CCSER1: variants seen among roughly 807,000 people sequenced by gnomAD.
CCSER1 encodes serine-rich coiled-coil domain-containing protein 1.
In CCSER1, 41 loss-of-function variants were observed where a neutral mutation model predicts 82.0. That is an observed-to-expected ratio of 0.50 (90% CI 0.39 to 0.65). The LOEUF is 0.65. CCSER1 is among the 30% of genes least tolerant of loss of function. The pLI is 0.00. For missense variants in CCSER1, 1,119 were observed against 1,064.2 expected, an observed-to-expected ratio of 1.05 and a Z score of -0.72; for synonymous variants, 414 against 383.9, an observed-to-expected ratio of 1.08 and a Z score of -0.92.
intron 5 of CCSER1, among the ~76,000 whole-genome samples, chr4:90,534,372 G>A (rs554635837): frequency 2.6e-5 from 4 of 151,682 alleles, no homozygotes; most frequent in South Asian, 2.1e-4. Flanking sequence ...CTCGTGATCC[G>A]CCCGCCTCGG....
chr4:91,128,612 A>AGC (rs1171639251), intron 10 of CCSER1, among the ~76,000 whole-genome samples: 2 of 152,206 alleles, frequency 1.3e-5, no homozygotes, highest in Admixed American at 1.3e-4. Context: ...CTAACGGCAA[A>AGC]ATCAGAGAAT....
rs1028412835 is a variant in CCSER1 at position 90,324,810 on chromosome 4, A to C, written c.1509+11763A>C. 1.3e-4 allele frequency among the ~76,000 whole-genome samples: 20 copies of C among 152,202 alleles called. No individual in the cohort carries two copies. The East Asian group carries it at 3.7e-3, about 28-fold the overall frequency. Reference sequence around the variant, plus strand: ...AGGGTTTTTATGGTTTTAGGTCTAAAGTTTAAGTCTTTAATCCATCTTGAC... The same window carrying C: ...AGGGTTTTTATGGTTTTAGGTCTAACGTTTAAGTCTTTAATCCATCTTGAC... On this transcript the variant is annotated intron_variant, in intron 3 of 10. Coordinates refer to ENST00000509176, the MANE Select transcript of CCSER1 (RefSeq NM_001145065.2).
intron 10 of CCSER1, among the ~76,000 whole-genome samples, chr4:91,109,160 T>C (rs961346672): frequency 3.3e-5 from 5 of 152,142 alleles, no homozygotes; most frequent in Non-Finnish European, 7.4e-5. Context: ...TCCCTAGTCC[T>C]GAGGCCTTTG....
intron 10 of CCSER1, among the ~76,000 whole-genome samples, chr4:91,109,248 G>A (rs1222476567): frequency 2.0e-5 from 3 of 152,072 alleles, no homozygotes; most frequent in Admixed American, 6.6e-5. Flanking sequence ...TCTCAAGCTC[G>A]ATGATTTCTT....
At chr4:90,509,981 A>G (rs1771258402) in intron 5 of CCSER1, among the ~76,000 whole-genome samples, 6 of 152,336 alleles carry the variant, frequency 3.9e-5, no homozygotes, top group Admixed American at 3.9e-4. Context: ...TGTGTCTAAA[A>G]GCAATTAATG....
chr4:90,777,311 A>G (rs996658687), intron 7 of CCSER1, among the ~76,000 whole-genome samples: 3 of 129,526 alleles, frequency 2.3e-5, no homozygotes, highest in African/African-American at 8.8e-5. Context: ...AAGCTGAGGT[A>G]GTGCCATTGT....
chr4:90,959,341 C>T (rs1561420197), intron 9 of CCSER1, among the ~76,000 whole-genome samples: 2 of 152,092 alleles, frequency 1.3e-5, no homozygotes, highest in Non-Finnish European at 2.9e-5. Flanking sequence ...TATTTCTTGG[C>T]CACCTACTCT....
chr4:91,154,817 C>G (rs972318879), intron 10 of CCSER1, among the ~76,000 whole-genome samples: 11 of 152,026 alleles, frequency 7.2e-5, no homozygotes, highest in Non-Finnish European at 1.5e-4. Flanking sequence ...TACTCTATAT[C>G]AGGCGCAGTT....
chr4:91,158,961 T>G (rs1405298996), intron 10 of CCSER1, among the ~76,000 whole-genome samples: 1 of 151,982 alleles, frequency 6.6e-6, no homozygotes, highest in East Asian at 1.9e-4. Flanking sequence ...CTTTTAACTT[T>G]TCTTATTGCC....
chr4:91,237,988 C>G (rs1390245549), intron 10 of CCSER1, among the ~76,000 whole-genome samples: 1 of 152,092 alleles, frequency 6.6e-6, no homozygotes, highest in African/African-American at 2.4e-5. Flanking sequence ...TGTCAGGAAG[C>G]CTCTGGGGAT....
rs919837226 is a variant in CCSER1, at chr4:91,218,288, C to T, written c.2217+132294C>T. Among the ~76,000 whole-genome samples the T allele has an allele frequency of 7.2e-5, 11 of 152,356 alleles. 1 individual carries two copies. The highest frequency in any genetic ancestry group is 6.5e-4 in the Admixed American group (10 of 15,312). ...GAGCGGGGCCCACCAAGCCCACACCCACCCGGAACTCCAGCTGGCCCGCAA... is the reference window on the plus strand; with the variant it reads ...GAGCGGGGCCCACCAAGCCCACACCTACCCGGAACTCCAGCTGGCCCGCAA... On this transcript the variant is annotated intron_variant, in intron 10 of 10. Transcript: ENST00000509176.
At position 91,297,401 on chromosome 4, in the gene CCSER1, G is replaced by A. The variant is rs867823887; in HGVS notation, c.2217+211407G>A. ...TGTGTGTGTATGTGTGTGTGTGTGT[G>A]TGTGTGTGTGTGTGTGTGTGTGTTA... On this transcript the variant is annotated intron_variant, in intron 10 of 10. Coordinates refer to ENST00000509176, the MANE Select transcript of CCSER1 (RefSeq NM_001145065.2). Among the ~76,000 whole-genome samples the A allele has an allele frequency of 8.9e-3, 1,340 of 150,928 alleles. 13 individuals carry two copies. The highest frequency in any genetic ancestry group is 0.031 in the African/African-American group (1,264 of 41,128).
intron 6 of CCSER1, among the ~76,000 whole-genome samples, chr4:90,666,652 G>A (rs1420225100): frequency 6.6e-6 from 1 of 152,166 alleles, no homozygotes; most frequent in Non-Finnish European, 1.5e-5. Context: ...ATCACGTGCT[G>A]AAGAAAAAGC....
intron 1 of CCSER1, among the ~76,000 whole-genome samples, chr4:90,271,250 T>C (rs1433109856): frequency 6.6e-6 from 1 of 151,914 alleles, no homozygotes; most frequent in African/African-American, 2.4e-5. Context: ...TATACAAAGC[T>C]ATGGTAAACA....
In CCSER1 at chr4:91,598,669, C is replaced by T. The variant is rs749806339; in HGVS notation, c.2315C>T (p.Ala772Val). The change falls in exon 11 of 11, where the codon GCG (alanine) becomes GTG (valine). Residue 772 changes from alanine to valine, a missense_variant. Physicochemically the swap from Ala to Val is moderately conservative, Grantham distance 64. Transcript: ENST00000509176. ...GAGGACCGTTTTAGGTATTCGGCAG[C>T]GGACCAGACAAGCCCCTACAAAAAC... is the stretch of plus-strand genomic sequence containing the variant. ...PTEDRFRYSA[A>V]DQTSPYKNKT... 10 of 1,551,296 alleles carry T rather than the reference C, an allele frequency of 6.4e-6. No homozygotes were observed. Among genetic ancestry groups the T allele is most frequent in the South Asian group, 4.8e-5 (4 of 84,040 alleles).
chr4:90,888,339 C>G (rs1217364059), intron 8 of CCSER1, among the ~76,000 whole-genome samples: 2 of 152,058 alleles, frequency 1.3e-5, no homozygotes, highest in Admixed American at 1.3e-4. Context: ...TTATTCTACT[C>G]TTTATGCTTT....
rs184569997 is a variant in CCSER1, at chr4:91,430,995, G to T, written c.2218-167577G>T. Among the ~76,000 whole-genome samples the T allele has an allele frequency of 3.7e-3, 566 of 152,290 alleles. 2 individuals carry two copies. Among genetic ancestry groups the T allele is most frequent in the African/African-American group, 0.013 (550 of 41,554 alleles). ...CTCACGCCTGTAATCCCAGCATTTT[G>T]GGAGGCGGAGGTGGGCGGATAACGA... On this transcript the variant is annotated intron_variant, in intron 10 of 10. Coordinates refer to ENST00000509176, the MANE Select transcript of CCSER1 (RefSeq NM_001145065.2).
intron 5 of CCSER1, among the ~76,000 whole-genome samples, chr4:90,509,772 G>A (rs1017530337): frequency 2.6e-5 from 4 of 152,094 alleles, no homozygotes; most frequent in African/African-American, 9.7e-5. Flanking sequence ...GTTTACTCAT[G>A]TCACCTTCAC....
At chr4:91,283,662 A>G (rs542900975) in intron 10 of CCSER1, among the ~76,000 whole-genome samples, 6 of 152,234 alleles carry the variant, frequency 3.9e-5, no homozygotes, top group African/African-American at 1.4e-4. Flanking sequence ...GTCTGCCAAA[A>G]ATAGGAACTC....
Sources: gnomAD v4.1 joint callset for allele counts (sites outside exome capture counted in the v4.1 genomes callset) on GRCh38, gnomAD v4.1.1 for gene constraint, MANE v1.5 for transcripts, NCBI Gene and HGNC (gene_info 2026-07-23, HGNC 2026-07-21) for gene names.